Variants in SVOP observed in about 807,000 individuals in gnomAD.
SVOP encodes the protein synaptic vesicle 2-related protein.
A neutral mutation model predicts 69.1 loss-of-function variants in SVOP; 17 were observed. The observed-to-expected ratio is 0.25, with a 90% CI of 0.17 to 0.37. SVOP has a LOEUF of 0.37. Ranked by LOEUF, SVOP falls within the 10% of genes least tolerant of loss-of-function variation. The probability of loss-of-function intolerance (pLI) is 1.00; values close to 1 mark genes in which losing one functional copy is unlikely to be tolerated. For synonymous variants in SVOP, 238 were observed against 238.6 expected (o/e 1.00, Z 0.02); for missense variants, 435 against 597.5 (o/e 0.73, Z 2.84).
intron 5 of SVOP, 28 bp downstream of exon 5, chr12:108,972,377 T>C (rs759945128): frequency 2.8e-5 from 43 of 1,535,816 alleles, no homozygotes; most frequent in Admixed American, 5.9e-5. Flanking sequence ...CCAGAGGACA[T>C]GCGTTTAGAA....
intron 7 of SVOP, among the ~76,000 whole-genome samples, chr12:108,941,693 G>T (rs2039892083): frequency 6.6e-6 from 1 of 150,944 alleles, no homozygotes; most frequent in Non-Finnish European, 1.5e-5. Flanking sequence ...ACAGAGTCTT[G>T]CTCTGTCGCC....
At chr12:109,003,210 G>A (rs762647060) in intron 1 of SVOP, among the ~76,000 whole-genome samples, 7 of 152,104 alleles carry the variant, frequency 4.6e-5, no homozygotes, top group Admixed American at 2.6e-4. Context: ...TTCTGGGGAG[G>A]AGAACTGGAC....
chr12:109,015,364 G>C (rs2040362393), intron 1 of SVOP, among the ~76,000 whole-genome samples: 1 of 152,162 alleles, frequency 6.6e-6, no homozygotes, highest in Admixed American at 6.5e-5. Flanking sequence ...GGGCTATAGG[G>C]AGGCAAGGGC....
chr12:109,013,692 A>G (rs1593210894), intron 1 of SVOP, among the ~76,000 whole-genome samples: 4 of 152,238 alleles, frequency 2.6e-5, no homozygotes, highest in Middle Eastern at 3.4e-3. Context: ...ACCCAGCCCA[A>G]TCTTAACCAT....
chr12:108,967,502 TA>T (rs1285885225), intron 5 of SVOP, among the ~76,000 whole-genome samples: 14 of 146,572 alleles, frequency 9.6e-5, no homozygotes, highest in Admixed American at 6.8e-4. Flanking sequence ...TTGTCTCAAT[TA>T]AAAAAAAAGG....
chr12:108,978,723 G>T (rs1052600219), intron 2 of SVOP, 60 bp from the exon 3 acceptor site: 1 of 693,344 alleles, frequency 1.4e-6, no homozygotes, highest in Non-Finnish European at 2.6e-6. Flanking sequence ...TTGTCCTAGT[G>T]TGGGGTTTTC....
chr12:108,982,483 AATC>A (rs1211456456), intron 2 of SVOP, among the ~76,000 whole-genome samples: 73 of 111,216 alleles, frequency 6.6e-4, no homozygotes, highest in African/African-American at 2.0e-3. Flanking sequence ...TTATCACCAC[AATC>A]ATCATCATCA....
At chr12:108,933,505 C>A (rs1465272480) in intron 11 of SVOP, among the ~76,000 whole-genome samples, 1 of 131,528 alleles carries the variant, frequency 7.6e-6, no homozygotes. Context: ...CTGCAAAACA[C>A]CATCTTTACT....
intron 1 of SVOP, among the ~76,000 whole-genome samples, chr12:109,009,146 G>A (rs1179533343): frequency 6.6e-6 from 1 of 151,402 alleles, no homozygotes; most frequent in East Asian, 2.0e-4. Context: ...ATTTTTAGTA[G>A]AGACAGGGTT....
Position 108,912,241 on chromosome 12 carries a change from T to A in SVOP, c.*294A>T. ...GTGACTCTGGGTGGTGTCTGATTGG[T>A]TGCTGGCATTACCAGACCCTCCTAA... On this transcript the variant is annotated 3_prime_UTR_variant, in exon 16 of 16. Coordinates refer to ENST00000610966, the MANE Select transcript of SVOP (RefSeq NM_018711.5). The A allele has an allele frequency of 7.8e-7, 1 of 1,277,918 alleles. No individual in the cohort carries two copies. Among genetic ancestry groups the A allele is most frequent in the Non-Finnish European group, 9.9e-7 (1 of 1,008,004 alleles). 79.2% of individuals were successfully genotyped at this position (1,277,918 alleles called of 1,614,324 possible).
chr12:108,940,812 G>A lies in SVOP; in HGVS notation c.740C>T (p.Pro247Leu), dbSNP rs1244077398. 5.9e-6 allele frequency: 9 copies of A among 1,537,112 alleles called. No homozygotes were observed. The highest frequency in any genetic ancestry group is 4.1e-5 in the African/African-American group (3 of 73,034). Reference protein sequence around the residue: ...WRWLLILSAVPLLLFAVLCFW... With the variant: ...WRWLLILSAVLLLLFAVLCFW... ...ACACAGCACGGCAAAGAGGAGGAGC[G>A]GGACAGCTGAGAGGATGAGCAGCCA... is the stretch of plus-strand genomic sequence containing the variant. The change falls in exon 8 of 16, where the codon CCG becomes CTG. Residue 247 changes from proline to leucine, a missense_variant. Physicochemically the swap from Pro to Leu is moderately conservative, Grantham distance 98. Transcript: ENST00000610966.
intron 3 of SVOP, 188 bp downstream of exon 3, chr12:108,978,390 C>T (rs1179232805): frequency 1.9e-5 from 10 of 540,132 alleles, no homozygotes; most frequent in Non-Finnish European, 3.3e-6. Flanking sequence ...CTGCCAAACA[C>T]ACCCAGCTCT....
chr12:108,938,520 A>G (rs748403317), intron 9 of SVOP, among the ~76,000 whole-genome samples: 3 of 152,224 alleles, frequency 2.0e-5, no homozygotes, highest in Non-Finnish European at 4.4e-5. Context: ...ATCTGTGCTG[A>G]AAGGCGAAAC....
At chr12:108,946,459 T>C (rs529258241) in intron 6 of SVOP, among the ~76,000 whole-genome samples, 1 of 152,180 alleles carries the variant, frequency 6.6e-6, no homozygotes, top group South Asian at 2.1e-4. Flanking sequence ...GACATTCAAC[T>C]GTAAGAAAGA....
At chr12:108,924,124 A>C (rs1314212428) in intron 11 of SVOP, among the ~76,000 whole-genome samples, 2 of 152,188 alleles carry the variant, frequency 1.3e-5, no homozygotes, top group Non-Finnish European at 2.9e-5. Context: ...ATCTGAGGAC[A>C]CAGTGTTTGC....
At chr12:108,951,308 CG>C (rs756154042) in intron 6 of SVOP, among the ~76,000 whole-genome samples, 3 of 152,152 alleles carry the variant, frequency 2.0e-5, no homozygotes, top group Non-Finnish European at 4.4e-5. Context: ...TGTTTGGCTG[CG>C]GTGCATGGCG....
intron 1 of SVOP, among the ~76,000 whole-genome samples, chr12:108,991,763 C>T (rs2040201715): frequency 8.0e-6 from 1 of 125,028 alleles, no homozygotes; most frequent in Non-Finnish European, 1.7e-5. Context: ...GCCTGTAAGA[C>T]CCCATCTCTA....
chr12:108,950,014 G>A (rs548542345), intron 6 of SVOP, among the ~76,000 whole-genome samples: 6 of 152,228 alleles, frequency 3.9e-5, no homozygotes, highest in African/African-American at 1.2e-4. Context: ...GTTAGGTTCC[G>A]CTTCAGTAAG....
At chr12:109,013,676 C>A (rs1313923079) in intron 1 of SVOP, among the ~76,000 whole-genome samples, 8 of 152,200 alleles carry the variant, frequency 5.3e-5, no homozygotes, top group Non-Finnish European at 7.3e-5. Context: ...AGGCGTGAGC[C>A]ACTGCACCCA....
Sources: gnomAD v4.1 joint callset for allele counts (sites outside exome capture counted in the v4.1 genomes callset) on GRCh38, gnomAD v4.1.1 for gene constraint, MANE v1.5 for transcripts, NCBI Gene and HGNC (gene_info 2026-07-23, HGNC 2026-07-21) for gene names.